Variants in FHIT observed in about 807,000 individuals in gnomAD.
The protein encoded by FHIT is fragile histidine triad diadenosine triphosphatase.
FHIT carries 19 observed loss-of-function variants against 17.9 expected under a neutral mutation model. The observed-to-expected ratio is 1.06, with a 90% CI of 0.74 to 1.56. FHIT has a LOEUF of 1.56. Among genes scored for constraint, FHIT ranks in the 40% most tolerant of loss-of-function variants. The pLI is 0.00. For missense variants in FHIT, 248 were observed against 189.2 expected, an observed-to-expected ratio of 1.31 and a Z score of -1.82; for synonymous variants, 81 against 69.7, an observed-to-expected ratio of 1.16 and a Z score of -0.81.
At chr3:60,628,524 A>G (rs1440895842) in intron 4 of FHIT, among the ~76,000 whole-genome samples, 2 of 152,200 alleles carry the variant, frequency 1.3e-5, no homozygotes, top group African/African-American at 2.4e-5. Flanking sequence ...AAAATACCCT[A>G]GAGGCATAAA....
intron 2 of FHIT, among the ~76,000 whole-genome samples, chr3:61,163,682 T>C (rs569017792): frequency 1.3e-5 from 2 of 152,232 alleles, no homozygotes; most frequent in Admixed American, 1.3e-4. Context: ...AAAATCTGAA[T>C]AAAGAAGGCT....
chr3:60,042,711 A>AT lies in FHIT; in HGVS notation c.104-28560dup, dbSNP rs1417698107. Reference sequence around the variant, plus strand: ...ACACTCACATTCAGAGGCACTAGGGATTAGGACTTCAACTTATCTTTCTTT... The same window carrying AT: ...ACACTCACATTCAGAGGCACTAGGGATTTAGGACTTCAACTTATCTTTCTTT... On this transcript the variant is annotated intron_variant, in intron 5 of 9. Transcript: ENST00000492590. Among the ~76,000 whole-genome samples the AT allele has an allele frequency of 3.9e-5, 6 of 152,262 alleles. No homozygotes were observed. In the East Asian group the frequency reaches 7.7e-4, roughly 20 times the overall value.
intron 5 of FHIT, among the ~76,000 whole-genome samples, chr3:60,380,768 C>A (rs1700765176): frequency 6.6e-6 from 1 of 152,156 alleles, no homozygotes; most frequent in Non-Finnish European, 1.5e-5. Flanking sequence ...AGCATTTTGA[C>A]CCGGTAAGGC....
intron 5 of FHIT, among the ~76,000 whole-genome samples, chr3:60,088,496 T>C (rs1044032432): frequency 6.6e-6 from 1 of 152,174 alleles, no homozygotes; most frequent in Non-Finnish European, 1.5e-5. Context: ...CCGAGTATCA[T>C]CCTACATCAT....
Position 60,784,047 on chromosome 3 carries a change from C to A in FHIT, c.-18+37872G>T, listed in dbSNP as rs575572658. Among the ~76,000 whole-genome samples, 70 of 152,270 alleles carry A rather than the reference C, an allele frequency of 4.6e-4. 1 individual carries two copies. In the South Asian group the frequency reaches 0.014, roughly 30 times the overall value. On this transcript the variant is annotated intron_variant, in intron 4 of 9. Transcript: ENST00000492590. Reference sequence around the variant, plus strand: ...GACTCTTTGGCAGGTCGTGAACTGCCCATCAGTCCCAGTGGTTGTTATGAA... The same window carrying A: ...GACTCTTTGGCAGGTCGTGAACTGCACATCAGTCCCAGTGGTTGTTATGAA...
rs71092647 is a variant in FHIT, at chr3:60,859,723, A to ATTTTTTTTTTTTTTTTTT, written c.-110-37730_-110-37713dup. Among the ~76,000 whole-genome samples the ATTTTTTTTTTTTTTTTTT allele has an allele frequency of 4.0e-4, 21 of 51,926 alleles. 3 individuals are homozygous for ATTTTTTTTTTTTTTTTTT. The highest frequency in any genetic ancestry group is 6.7e-4 in the Admixed American group (2 of 3,000). The allele number at this position is 51,926 out of a possible 152,430, so 34.1% of individuals were successfully genotyped here. A position where few individuals can be genotyped will look rare whatever the true frequency, so the allele number is the denominator to read the frequency against. On this transcript the variant is annotated intron_variant, in intron 3 of 9. Coordinates refer to ENST00000492590, the MANE Select transcript of FHIT (RefSeq NM_002012.4). ...ACATTTGCAGTGGATTCTGAATACG[A>ATTTTTTTTTTTTTTTTTT]TTTTTTTTTTTTTTTTTTTTTTTTT...
chr3:60,412,820 G>T (rs1315907231), intron 5 of FHIT, among the ~76,000 whole-genome samples: 1 of 152,152 alleles, frequency 6.6e-6, no homozygotes, highest in Non-Finnish European at 1.5e-5. Context: ...GATTATGGGG[G>T]TGGGTTTCCC....
At chr3:60,056,031 T>C (rs376698317) in intron 5 of FHIT, among the ~76,000 whole-genome samples, 9 of 152,142 alleles carry the variant, frequency 5.9e-5, no homozygotes, top group African/African-American at 1.7e-4. Flanking sequence ...CTTTAAAAAA[T>C]AGTCATGACC....
chr3:60,947,062 A>G (rs566160673), intron 3 of FHIT, among the ~76,000 whole-genome samples: 1 of 152,332 alleles, frequency 6.6e-6, no homozygotes, highest in South Asian at 2.1e-4. Context: ...TTCAGAAGAC[A>G]AAATTCTTCT....
intron 4 of FHIT, among the ~76,000 whole-genome samples, chr3:60,708,308 T>C (rs569253053): frequency 6.6e-6 from 1 of 152,318 alleles, no homozygotes; most frequent in East Asian, 1.9e-4. Flanking sequence ...AGAGAGCATG[T>C]ATGATTGACT....
chr3:60,992,119 G>A (rs1031556544), intron 3 of FHIT, among the ~76,000 whole-genome samples: 2 of 152,184 alleles, frequency 1.3e-5, no homozygotes, highest in Admixed American at 1.3e-4. Context: ...AAGCTAGACA[G>A]GAGAGACTAC....
At chr3:59,867,579 A>G (rs576866960) in intron 8 of FHIT, among the ~76,000 whole-genome samples, 2 of 151,974 alleles carry the variant, frequency 1.3e-5, no homozygotes, top group Non-Finnish European at 2.9e-5. Flanking sequence ...TGATTACTTT[A>G]TCTCACTATC....
At chr3:60,015,185 T>C (rs1401436274) in intron 5 of FHIT, among the ~76,000 whole-genome samples, 2 of 152,170 alleles carry the variant, frequency 1.3e-5, no homozygotes, top group African/African-American at 2.4e-5. Flanking sequence ...AATTCTGCAA[T>C]TGCTAGTCTC....
At chr3:59,823,498 C>G (rs941791820) in intron 8 of FHIT, among the ~76,000 whole-genome samples, 1 of 151,974 alleles carries the variant, frequency 6.6e-6, no homozygotes, top group African/African-American at 2.4e-5. Flanking sequence ...AGATAATCCA[C>G]CATGATCAAG....
chr3:61,013,128 A>G (rs2031891512), intron 3 of FHIT, among the ~76,000 whole-genome samples: 1 of 152,122 alleles, frequency 6.6e-6, no homozygotes, highest in Non-Finnish European at 1.5e-5. Context: ...TTGGAAGCCT[A>G]TAGTTTTTCC....
At chr3:60,783,912 T>C (rs1700476723) in intron 4 of FHIT, among the ~76,000 whole-genome samples, 1 of 152,208 alleles carries the variant, frequency 6.6e-6, no homozygotes. Context: ...AATTACTTAA[T>C]GACCCCAAAG....
intron 4 of FHIT, among the ~76,000 whole-genome samples, chr3:60,712,314 G>A (rs2041557817): frequency 6.6e-6 from 1 of 152,180 alleles, no homozygotes; most frequent in South Asian, 2.1e-4. Context: ...ACCAGCCGCT[G>A]CAAAATCATG....
chr3:59,794,341 A>G (rs963479068), intron 8 of FHIT, among the ~76,000 whole-genome samples: 2 of 152,090 alleles, frequency 1.3e-5, no homozygotes, highest in Admixed American at 1.3e-4. Flanking sequence ...CATTACCACA[A>G]CTCAAATTCA....
intron 5 of FHIT, among the ~76,000 whole-genome samples, chr3:60,421,554 G>A (rs1368674091): frequency 6.6e-6 from 1 of 151,984 alleles, no homozygotes; most frequent in Non-Finnish European, 1.5e-5. Context: ...TCATGATGCT[G>A]ATATATGCAA....
Sources: gnomAD v4.1 joint callset for allele counts (sites outside exome capture counted in the v4.1 genomes callset) on GRCh38, gnomAD v4.1.1 for gene constraint, MANE v1.5 for transcripts, NCBI Gene and HGNC (gene_info 2026-07-23, HGNC 2026-07-21) for gene names.